ERG: variants seen among roughly 807,000 people sequenced by gnomAD.
The protein encoded by ERG is ETS transcription factor ERG.
Under a neutral mutation model 55.3 loss-of-function variants are expected in ERG, and 9 were observed. That is an observed-to-expected ratio of 0.16 (90% CI 0.10 to 0.28). ERG has a LOEUF of 0.28. Ranked by LOEUF, ERG falls within the 10% of genes least tolerant of loss-of-function variation. ERG has a pLI of 1.00. For synonymous variants in ERG, 223 were observed against 237.3 expected, an observed-to-expected ratio of 0.94 and a Z score of 0.55; for missense variants, 434 against 631.6, an observed-to-expected ratio of 0.69 and a Z score of 3.35.
At chr21:38,656,868 A>G (rs1292793018) in intron 1 of ERG, among the ~76,000 whole-genome samples, 3 of 152,100 alleles carry the variant, frequency 2.0e-5, no homozygotes, top group Non-Finnish European at 4.4e-5. Context: ...TTTCTTTCCT[A>G]TTTCCTAGAG....
chr21:38,396,593 A>G (rs926973793), intron 6 of ERG, among the ~76,000 whole-genome samples: 1 of 152,232 alleles, frequency 6.6e-6, no homozygotes, highest in Non-Finnish European at 1.5e-5. Context: ...GAGGCATATC[A>G]TAATATATGG....
At chr21:38,569,727 T>C (rs2059945718) in intron 2 of ERG, among the ~76,000 whole-genome samples, 1 of 152,162 alleles carries the variant, frequency 6.6e-6, no homozygotes, top group African/African-American at 2.4e-5. Flanking sequence ...ACAAGGTAAT[T>C]CCAATGCTGA....
chr21:38,398,480 G>A lies in ERG; in HGVS notation c.745+2094C>T, dbSNP rs138214613. 1.0e-3 allele frequency among the ~76,000 whole-genome samples: 158 copies of A among 152,244 alleles called. 2 individuals carry two copies. Among genetic ancestry groups the A allele is most frequent in the East Asian group, 5.8e-4 (3 of 5,184 alleles). On this transcript the variant is annotated intron_variant, in intron 6 of 9. Coordinates refer to ENST00000288319, the MANE Select transcript of ERG (RefSeq NM_182918.4). Reference sequence around the variant, plus strand: ...TTATTTCAGGTACAAACTGAGTCGCGAAAACATACTTGACTAGTAGTGGAG... The same window carrying A: ...TTATTTCAGGTACAAACTGAGTCGCAAAAACATACTTGACTAGTAGTGGAG...
intron 1 of ERG, among the ~76,000 whole-genome samples, chr21:38,454,133 T>A (rs2096505): frequency 0.75 from 113,361 of 152,136 alleles, 42,720 homozygotes; most frequent in East Asian, 0.89. Flanking sequence ...CGAATATTCA[T>A]CAAAACCCTT....
rs553632699 is a variant in ERG at position 38,460,878 on chromosome 21, A to C, written c.19-15257T>G. On this transcript the variant is annotated intron_variant, in intron 1 of 9. Transcript: ENST00000288319. This position sits in a 1 kb window ranked among gnomAD's most constrained non-coding sequence, Gnocchi z 5.0. ...GGTGTCACTTCCTTTCTGCTTAGGA[A>C]GGAGACGTTTGGAAAAACTGTTCAC... 6.6e-6 allele frequency among the ~76,000 whole-genome samples: 1 copy of C among 152,326 alleles called. No individual in the cohort carries two copies. Among genetic ancestry groups the C allele is most frequent in the Non-Finnish European group, 1.5e-5 (1 of 68,036 alleles).
intron 1 of ERG, among the ~76,000 whole-genome samples, chr21:38,645,909 G>T (rs2146977548): frequency 6.6e-6 from 1 of 152,210 alleles, no homozygotes; most frequent in East Asian, 1.9e-4. Flanking sequence ...TCTAGTGATG[G>T]CCCAGGAAGA....
chr21:38,372,306 T>C, the ERG span, among the ~76,000 whole-genome samples: 1 of 152,006 alleles, frequency 6.6e-6, no homozygotes, highest in South Asian at 2.1e-4. Context: ...GTTGATTCTC[T>C]GTATTTTCAG....
chr21:38,476,108 G>T (rs893726846), intron 1 of ERG, among the ~76,000 whole-genome samples: 4 of 152,176 alleles, frequency 2.6e-5, no homozygotes, highest in South Asian at 4.1e-4. Flanking sequence ...ATTAAATGAA[G>T]TTGCTGCATC....
intron 1 of ERG, among the ~76,000 whole-genome samples, chr21:38,595,857 C>G (rs1159147825): frequency 6.6e-6 from 1 of 152,188 alleles, no homozygotes; most frequent in Admixed American, 6.5e-5. Flanking sequence ...GGGTTCTTTT[C>G]TTGCTTGAAA....
chr21:38,590,215 T>A (rs1157982420), intron 1 of ERG, among the ~76,000 whole-genome samples: 14 of 152,170 alleles, frequency 9.2e-5, no homozygotes, highest in Admixed American at 9.2e-4. Flanking sequence ...GGTTATACTT[T>A]AAATTAAATT....
At chr21:38,468,043 A>T (rs1038666178) in intron 1 of ERG, among the ~76,000 whole-genome samples, 1 of 152,228 alleles carries the variant, frequency 6.6e-6, no homozygotes, top group African/African-American at 2.4e-5. Flanking sequence ...CAATGATTGA[A>T]GCTGGGTGCA....
chr21:38,503,144 C>T (rs1451974963), upstream of ERG, among the ~76,000 whole-genome samples: 4 of 152,124 alleles, frequency 2.6e-5, no homozygotes, highest in Non-Finnish European at 5.9e-5. Flanking sequence ...CCCTCTTCTT[C>T]TTTGGTTCAC....
chr21:38,541,518 T>G (rs938871604), intron 2 of ERG, among the ~76,000 whole-genome samples: 2 of 152,208 alleles, frequency 1.3e-5, no homozygotes, highest in Non-Finnish European at 2.9e-5. Context: ...AAATGACTGA[T>G]GTACTGCTAA....
At chr21:38,452,067 T>C (rs148901598) in intron 1 of ERG, among the ~76,000 whole-genome samples, 2 of 152,306 alleles carry the variant, frequency 1.3e-5, no homozygotes, top group East Asian at 3.9e-4. Flanking sequence ...CCTTCAAAAC[T>C]ATAAAAAAAA....
intron 2 of ERG, among the ~76,000 whole-genome samples, chr21:38,565,665 T>G (rs1339626553): frequency 6.6e-6 from 1 of 152,190 alleles, no homozygotes; most frequent in African/African-American, 2.4e-5. Flanking sequence ...GGTCTCAGCT[T>G]GAATGTCACC....
At chr21:38,507,992 C>CAA (rs1568866256) in intron 2 of ERG, among the ~76,000 whole-genome samples, 6 of 150,624 alleles carry the variant, frequency 4.0e-5, no homozygotes, top group Admixed American at 6.6e-5. Flanking sequence ...CACAGACACA[C>CAA]ACACATGCAC....
At position 38,445,584 on chromosome 21, in the gene ERG, A is replaced by T. The variant is rs1160532072; in HGVS notation, c.56T>A (p.Phe19Tyr). The T allele has an allele frequency of 6.2e-7, 1 of 1,613,918 alleles. No individual in the cohort carries two copies. Among genetic ancestry groups the T allele is most frequent in the Non-Finnish European group, 8.5e-7 (1 of 1,179,970 alleles). ...LSVVSEDQSL[F>Y]ECAYGTPHLA... The stretch of plus-strand genomic sequence containing the variant: ...GTGTGGCGTTCCGTAGGCACACTCA[A>T]ACAACGACTGGTCCTCACTCACAAC... The change falls in exon 2 of 10, where the codon TTT (phenylalanine) becomes TAT (tyrosine). Residue 19 changes from phenylalanine (F) to tyrosine (Y), a missense_variant. This residue lies in a region of ERG where 212 missense variants were observed against 262.9 expected (regional missense o/e 0.81). Coordinates refer to ENST00000288319, the MANE Select transcript of ERG (RefSeq NM_182918.4).
upstream of ERG, among the ~76,000 whole-genome samples, chr21:38,585,984 AG>A (rs1391975842): frequency 6.6e-6 from 1 of 152,054 alleles, no homozygotes; most frequent in African/African-American, 2.4e-5. Context: ...GAAATAAAAG[AG>A]GGAAGGCAGG....
At chr21:38,377,686 AC>A (rs1241429459), downstream of ERG, among the ~76,000 whole-genome samples, 3 of 151,880 alleles carry the variant, frequency 2.0e-5, no homozygotes, top group African/African-American at 7.3e-5. Context: ...TCTACACCCC[AC>A]CCCTTCCTTA....
Sources: allele counts gnomAD v4.1 joint callset (sites outside exome capture counted in the v4.1 genomes callset), GRCh38; gene constraint gnomAD v4.1.1; regional missense constraint gnomAD v4.1.1; non-coding constraint Gnocchi (gnomAD v3.1); transcripts MANE v1.5; gene names NCBI Gene and HGNC (gene_info 2026-07-23, HGNC 2026-07-21).